The following DBN1 variants were observed in gnomAD, a reference collection of about 807,000 sequenced individuals.
DBN1 encodes the protein drebrin 1, also known as drebrin.
A neutral mutation model predicts 83.5 loss-of-function variants in DBN1; 21 were observed. That is an observed-to-expected ratio of 0.25 (90% confidence interval 0.18 to 0.36). The LOEUF (loss-of-function observed/expected upper bound fraction) is 0.36, where lower values mean the gene tolerates loss of function less well. DBN1 is among the 10% of genes least tolerant of loss of function. The pLI, the probability that DBN1 is intolerant of heterozygous loss-of-function variation, is 1.00. For missense variants in DBN1, 874 were observed against 935.7 expected (o/e 0.93, Z 0.86); for synonymous variants, 381 against 384.9 (o/e 0.99, Z 0.12).
intron 2 of DBN1, chr5:177,468,511 T>C: frequency 2.4e-5 from 12 of 492,886 alleles, no homozygotes; most frequent in Admixed American, 1.4e-4. Context: ...TCTCACCAGG[T>C]GCCAGTGCCC....
Position 177,466,601 on chromosome 5 carries a change from CCCA to C in DBN1, c.771+168_771+170del, listed in dbSNP as rs931631901. ...TTTTTCCACGGCCAGAGGCCAGAGC[CCCA>C]CGTGATGAGGTGCCAGGCCTCATGC... is the stretch of plus-strand genomic sequence containing the variant. On this transcript the variant is annotated intron_variant, in intron 8 of 14. Coordinates refer to ENST00000393565, the MANE Select transcript of DBN1 (RefSeq NM_001363541.2). The surrounding 1 kb of genome is among the most constrained non-coding windows in gnomAD (Gnocchi z 4.8). Among the ~76,000 whole-genome samples, 4 of 152,194 alleles carry C rather than the reference CCCA, an allele frequency of 2.6e-5. No individual in the cohort carries two copies. Among genetic ancestry groups the C allele is most frequent in the African/African-American group, 9.7e-5 (4 of 41,436 alleles).
At position 177,459,079 on chromosome 5, in the gene DBN1, G is replaced by T. The variant is rs201656197; in HGVS notation, c.1264+19C>A. ...GACTGATGATGGGAGGCCTGGTGCA[G>T]GTAGCATCCCTCTCTCACCTTGGGC... On this transcript the variant is annotated intron_variant, in intron 12 of 14. Coordinates refer to ENST00000393565, the MANE Select transcript of DBN1 (RefSeq NM_001363541.2). 1.3e-6 allele frequency: 2 copies of T among 1,590,430 alleles called. No individual in the cohort carries two copies. The highest frequency in any genetic ancestry group is 1.7e-6 in the Non-Finnish European group (2 of 1,169,490).
intron 8 of DBN1, among the ~76,000 whole-genome samples, chr5:177,462,015 C>T (rs1757078068): frequency 6.6e-6 from 1 of 152,212 alleles, no homozygotes; most frequent in Non-Finnish European, 1.5e-5. Context: ...CCGGAGCAGC[C>T]ATCACCGGGG....
chr5:177,458,282 C>T lies in DBN1; in HGVS notation c.1690G>A (p.Glu564Lys). The T allele has an allele frequency of 6.2e-7, 1 of 1,613,636 alleles. No individual in the cohort carries two copies. The highest frequency in any genetic ancestry group is 8.5e-7 in the Non-Finnish European group (1 of 1,179,786). Residue 564 changes from glutamate to lysine, a missense_variant, in exon 13 of 15, where the codon GAG (glutamate) becomes AAG (lysine). Coordinates refer to ENST00000393565, the MANE Select transcript of DBN1 (RefSeq NM_001363541.2). ...CCTTCGCCTGCTGGCAGCAGTGGCT[C>T]CGGAGCCACCTCATCCAGCAGGGGC... ...EVPLLDEVAP[E>K]PLLPAGEGCA...
intron 10 of DBN1, among the ~76,000 whole-genome samples, chr5:177,459,967 G>A (rs1251809134): frequency 1.3e-5 from 2 of 152,184 alleles, no homozygotes; most frequent in Admixed American, 6.5e-5. Flanking sequence ...ACCCCAGCAT[G>A]GGGCAAGCAC....
chr5:177,471,132 C>G (rs1417177719), intron 1 of DBN1, among the ~76,000 whole-genome samples: 2 of 151,972 alleles, frequency 1.3e-5, no homozygotes, highest in African/African-American at 2.4e-5. Context: ...TTCCAGAGAC[C>G]CTGGGGTGAG....
intron 8 of DBN1, chr5:177,462,130 G>T: frequency 1.3e-6 from 1 of 787,174 alleles, no homozygotes; most frequent in Non-Finnish European, 1.5e-6. Flanking sequence ...TTTTGGGTGG[G>T]CAGCGCCCGC....
intron 8 of DBN1, among the ~76,000 whole-genome samples, chr5:177,461,124 A>G (rs1581720489): frequency 8.7e-5 from 7 of 80,044 alleles, no homozygotes; most frequent in East Asian, 7.3e-4. Context: ...TTTGAGACGG[A>G]GTCTCGCTCT....
At chr5:177,468,318 G>T in intron 2 of DBN1, 98 bp from the exon 3 acceptor site, 1 of 1,057,032 alleles carries the variant, frequency 9.5e-7, no homozygotes, top group Non-Finnish European at 1.5e-6. Context: ...GCCTCCACAG[G>T]CACCCCCAGG....
chr5:177,464,937 G>A (rs1268224427), intron 8 of DBN1, among the ~76,000 whole-genome samples: 3 of 152,088 alleles, frequency 2.0e-5, no homozygotes, highest in Non-Finnish European at 4.4e-5. Flanking sequence ...GGCAGATCAT[G>A]AGGTCAGGAG....
At chr5:177,464,692 G>A (rs773375927) in intron 8 of DBN1, among the ~76,000 whole-genome samples, 4 of 150,568 alleles carry the variant, frequency 2.7e-5, no homozygotes, top group Non-Finnish European at 5.9e-5. Flanking sequence ...CTGTAATCCC[G>A]GCACTTTGTG....
At position 177,467,863 on chromosome 5, in the gene DBN1, G is replaced by C; in HGVS notation, c.256-46C>G. The C allele has an allele frequency of 1.3e-6, 2 of 1,579,582 alleles. No homozygotes were observed. Among genetic ancestry groups the C allele is most frequent in the Non-Finnish European group, 1.7e-6 (2 of 1,159,544 alleles). The stretch of plus-strand genomic sequence containing the variant: ...AGGGGGTCAGGAAAGGACAAGGGGG[G>C]CCCTACACGATAGGGTGCATCTTCC... On this transcript the variant is annotated intron_variant, in intron 3 of 14. Transcript: ENST00000393565. The surrounding 1 kb of genome is among the most constrained non-coding windows in gnomAD (Gnocchi z 9.1).
rs765842985 is a variant in DBN1, at chr5:177,458,407, A to C, written c.1565T>G (p.Ile522Ser). 6.2e-7 allele frequency: 1 copy of C among 1,614,138 alleles called. No homozygotes were observed. The highest frequency in any genetic ancestry group is 8.5e-7 in the Non-Finnish European group (1 of 1,179,990). Residue 522 changes from isoleucine (I) to serine (S), a missense_variant, in exon 13 of 15, where the codon ATT becomes AGT. By Grantham distance (142) the Ile-to-Ser change is moderately radical (BLOSUM62 -2). This residue lies in a region of DBN1 where 725 missense variants were observed against 719.7 expected (regional missense o/e 1.01). Coordinates refer to ENST00000393565, the MANE Select transcript of DBN1 (RefSeq NM_001363541.2). ...NNVPPAATSL[I>S]DLWPGNGEGA... ...TTCCCCGTTGCCAGGCCATAGGTCA[A>C]TGAGGCTGGTGGCGGCGGGGGGTAC...
chr5:177,470,972 C>T (rs752934565), intron 1 of DBN1, among the ~76,000 whole-genome samples: 1 of 152,356 alleles, frequency 6.6e-6, no homozygotes, highest in African/African-American at 2.4e-5. Context: ...AAGGCAGGAA[C>T]GCTGACTCAG....
In DBN1 at chr5:177,466,882, C is replaced by G. The variant is rs1014858455; in HGVS notation, c.707+29G>C. On this transcript the variant is annotated intron_variant, in intron 7 of 14. Transcript: ENST00000393565. The surrounding 1 kb of genome is among the most constrained non-coding windows in gnomAD (Gnocchi z 4.8). ...ACCCGTCAGGGTGCGCCCGGGGGCC[C>G]CTGGAGCGCTCCGGGCGGGCAGGCT... The G allele has an allele frequency of 6.2e-7, 1 of 1,613,548 alleles. No homozygotes were observed. The highest frequency in any genetic ancestry group is 1.3e-5 in the African/African-American group (1 of 74,890).
At chr5:177,472,274 G>T (rs556509488) in intron 1 of DBN1, 2 of 1,605,752 alleles carry the variant, frequency 1.2e-6, no homozygotes, top group South Asian at 2.2e-5. Context: ...CCAGTGTGCG[G>T]GTGAGGCCAG....
chr5:177,462,461 C>A (rs1285118377), intron 8 of DBN1: 6 of 944,780 alleles, frequency 6.4e-6, no homozygotes, highest in Non-Finnish European at 7.6e-6. Flanking sequence ...TGGGTCCCCA[C>A]AGGGTGCTCC....
chr5:177,468,772 A>AG, intron 2 of DBN1, 72 bp downstream of exon 2: 1 of 1,088,604 alleles, frequency 9.2e-7, no homozygotes. Flanking sequence ...GCCTACAGCC[A>AG]GGTGGGTGGG....
intron 13 of DBN1, 48 bp downstream of exon 13, chr5:177,458,010 C>G: frequency 6.2e-7 from 1 of 1,609,502 alleles, no homozygotes; most frequent in Non-Finnish European, 8.5e-7. Flanking sequence ...GCACCCTGCT[C>G]AGCCCCCACT....
Sources: gnomAD v4.1 joint callset for allele counts (sites outside exome capture counted in the v4.1 genomes callset) on GRCh38, gnomAD v4.1.1 for gene constraint, gnomAD v4.1.1 regional missense constraint, Gnocchi (gnomAD v3.1) non-coding constraint, MANE v1.5 for transcripts, NCBI Gene and HGNC (gene_info 2026-07-23, HGNC 2026-07-21) for gene names.